Variants in WDFY3 observed in about 807,000 individuals in gnomAD.
WDFY3 encodes WD repeat and FYVE domain-containing protein 3.
WDFY3 carries 66 observed loss-of-function variants against 409.6 expected under a neutral mutation model. That is an observed-to-expected ratio of 0.16 (90% CI 0.13 to 0.20). The LOEUF is 0.20. Ranked by LOEUF, WDFY3 falls within the 10% of genes least tolerant of loss-of-function variation. The pLI is 1.00. For synonymous variants in WDFY3, 1,521 were observed against 1,537.1 expected (o/e 0.99, Z 0.25); for missense variants, 3,031 against 4,298.1 (o/e 0.71, Z 8.24).
At chr4:84,911,339 T>C (rs536936618) in intron 2 of WDFY3, among the ~76,000 whole-genome samples, 56 of 152,202 alleles carry the variant, frequency 3.7e-4, no homozygotes, top group African/African-American at 1.2e-3. Flanking sequence ...AATTAAAATA[T>C]TAGCTGAGCA....
chr4:84,794,773 T>C lies in WDFY3; in HGVS notation c.3269-36A>G. 2.6e-6 allele frequency: 4 copies of C among 1,546,798 alleles called. No homozygotes were observed. In the South Asian group the frequency reaches 4.9e-5, roughly 19 times the overall value. ...AATTAAAAAAAAAAGTCTGTGTTGA[T>C]TAATATTTATATTTTTTAAAAGATG... On this transcript the variant is annotated intron_variant, in intron 20 of 67. Transcript: ENST00000295888.
intron 67 of WDFY3, among the ~76,000 whole-genome samples, chr4:84,675,887 TG>T (rs1469712846): frequency 4.6e-5 from 7 of 152,152 alleles, no homozygotes; most frequent in South Asian, 2.1e-4. Context: ...ACCTTTCATA[TG>T]GGGGAAAAAT....
In WDFY3 at chr4:84,753,856, CTCT is replaced by C. The variant is rs1416355010; in HGVS notation, c.5577_5579del (p.Glu1860del). 6.9e-6 allele frequency: 11 copies of C among 1,596,288 alleles called. No individual in the cohort carries two copies. Among genetic ancestry groups the C allele is most frequent in the African/African-American group, 1.3e-5 (1 of 74,104 alleles). On this transcript the variant is annotated inframe_deletion, in exon 35 of 68. Coordinates refer to ENST00000295888, the MANE Select transcript of WDFY3 (RefSeq NM_014991.6). Reference sequence around the variant, plus strand: ...CAGGATATTCTCGGAGCCAAGATCCCTCTTCTTCTGATTGCCAAGGCTGTTATG... The same window carrying C: ...CAGGATATTCTCGGAGCCAAGATCCCTCTTCTGATTGCCAAGGCTGTTATG...
chr4:84,893,218 T>C (rs1378144525), intron 3 of WDFY3, among the ~76,000 whole-genome samples: 1 of 152,130 alleles, frequency 6.6e-6, no homozygotes, highest in Non-Finnish European at 1.5e-5. Context: ...TGCCACTCTT[T>C]TCTGCAAAAA....
intron 16 of WDFY3, among the ~76,000 whole-genome samples, chr4:84,802,634 A>G (rs190122049): frequency 2.6e-5 from 4 of 152,338 alleles, no homozygotes. Context: ...TAACTTGCTT[A>G]GAGCAATATA....
At chr4:84,803,490 T>C in intron 15 of WDFY3, 23 bp from the exon 16 acceptor site, 4 of 1,587,634 alleles carry the variant, frequency 2.5e-6, no homozygotes, top group Non-Finnish European at 3.4e-6. Flanking sequence ...AAAGAGTAAA[T>C]TTGGTATTGA....
chr4:84,767,457 C>T (rs1743862724), intron 30 of WDFY3, among the ~76,000 whole-genome samples: 1 of 152,056 alleles, frequency 6.6e-6, no homozygotes, highest in Non-Finnish European at 1.5e-5. Context: ...GTATCTCTCA[C>T]TTTAAATCAA....
intron 1 of WDFY3, among the ~76,000 whole-genome samples, chr4:84,962,887 T>C (rs1225467477): frequency 6.6e-6 from 1 of 151,848 alleles, no homozygotes; most frequent in Non-Finnish European, 1.5e-5. Flanking sequence ...TTGGCCAGGC[T>C]GGTCTTGAAC....
rs115615128 is a variant in WDFY3 at position 84,789,508 on chromosome 4, C to A, written c.3669+218G>T. 4.2e-3 allele frequency among the ~76,000 whole-genome samples: 643 copies of A among 152,204 alleles called. 2 individuals are homozygous for A. The highest frequency in any genetic ancestry group is 0.013 in the African/African-American group (559 of 41,524). Reference sequence around the variant, plus strand: ...CAGCAACTTCTTTAGTACCTATAAGCCCTCATTTCTATTCTTCTCTAATAA... The same window carrying A: ...CAGCAACTTCTTTAGTACCTATAAGACCTCATTTCTATTCTTCTCTAATAA... On this transcript the variant is annotated intron_variant, in intron 22 of 67. Transcript: ENST00000295888.
Position 84,765,925 on chromosome 4 carries a change from A to G in WDFY3, c.5073T>C (p.Leu1691=), listed in dbSNP as rs1743551511. The change falls in exon 32 of 68, where the codon CTT becomes CTC. Residue 1691 remains leucine (L), a synonymous_variant. Coordinates refer to ENST00000295888, the MANE Select transcript of WDFY3 (RefSeq NM_014991.6). ...TAGACTGATTACTTAGTAGGACAAC[A>G]AGAATCCTCATGGCTGCTGTAACTG... ...STTVTAAMRI[L]VVLLSNQSIL... is the part of the protein sequence containing the mutation. The G allele has an allele frequency of 6.2e-7, 1 of 1,614,010 alleles. No homozygotes were observed. The highest frequency in any genetic ancestry group is 1.1e-5 in the South Asian group (1 of 91,080).
rs758583052 is a variant in WDFY3, at chr4:84,766,235, A to T, written c.4970+17T>A. The T allele has an allele frequency of 6.4e-6, 10 of 1,566,720 alleles. No homozygotes were observed. The highest frequency in any genetic ancestry group is 5.9e-5 in the South Asian group (5 of 84,118). ...AGTAGCAACTGGTATAATCACTTTTAAAAAAGATTTACTTACTGCAAATTA... is the reference window on the plus strand; with the variant it reads ...AGTAGCAACTGGTATAATCACTTTTTAAAAAGATTTACTTACTGCAAATTA... On this transcript the variant is annotated intron_variant, in intron 31 of 67. Coordinates refer to ENST00000295888, the MANE Select transcript of WDFY3 (RefSeq NM_014991.6).
In WDFY3 at chr4:84,678,820, CAG is replaced by C. The variant is rs915552648; in HGVS notation, c.10147+97_10147+98del. 6.2e-5 allele frequency: 84 copies of C among 1,353,054 alleles called. No individual in the cohort carries two copies. In the African/African-American group the frequency reaches 1.2e-3, roughly 19 times the overall value. The allele number at this position is 1,353,054 out of a possible 1,614,324, so 83.8% of individuals were successfully genotyped here. On this transcript the variant is annotated intron_variant, in intron 65 of 67. Transcript: ENST00000295888. The stretch of plus-strand genomic sequence containing the variant: ...AGTGGCCCAGCTCACGGGGCACATC[CAG>C]GGTGGGGCCCAGGGAGAGCTAGACC...
chr4:84,846,064 T>A (rs983434796), intron 5 of WDFY3, among the ~76,000 whole-genome samples: 3 of 152,138 alleles, frequency 2.0e-5, no homozygotes, highest in African/African-American at 7.2e-5. Flanking sequence ...TGTGACTGAA[T>A]AGATACTAAA....
At position 84,789,756 on chromosome 4, in the gene WDFY3, A is replaced by G; in HGVS notation, c.3639T>C (p.Tyr1213=). ...CAGTGTTAACAAGCTGTCCATCAAT[A>G]TAAAGGGCTGCAGTACTGTTTTTCA... ...GMLKNSTAAL[Y]IDGQLVNTVK... The change falls in exon 22 of 68, where the codon TAT becomes TAC. Residue 1213 remains tyrosine, a synonymous_variant. Transcript: ENST00000295888. The G allele has an allele frequency of 6.2e-7, 1 of 1,614,070 alleles. No individual in the cohort carries two copies. Among genetic ancestry groups the G allele is most frequent in the Non-Finnish European group, 8.5e-7 (1 of 1,180,004 alleles).
intron 21 of WDFY3, among the ~76,000 whole-genome samples, chr4:84,790,361 T>C (rs1462043979): frequency 6.6e-6 from 1 of 151,718 alleles, no homozygotes; most frequent in Non-Finnish European, 1.5e-5. Context: ...AAAAAATAAG[T>C]AAATAAAAAT....
intron 60 of WDFY3, among the ~76,000 whole-genome samples, chr4:84,691,041 ACAT>A (rs1461320385): frequency 1.3e-5 from 2 of 152,232 alleles, no homozygotes; most frequent in Non-Finnish European, 2.9e-5. Flanking sequence ...GCTAAGGAGA[ACAT>A]CAACAAAATG....
At chr4:84,919,832 T>C (rs1429537942) in intron 2 of WDFY3, among the ~76,000 whole-genome samples, 2 of 152,126 alleles carry the variant, frequency 1.3e-5, no homozygotes, top group African/African-American at 2.4e-5. Flanking sequence ...TATTTCTTCA[T>C]TGCAGCGTGA....
chr4:84,677,422 C>G, intron 66 of WDFY3, 26 bp from the exon 67 acceptor site: 2 of 1,561,546 alleles, frequency 1.3e-6, no homozygotes, highest in Non-Finnish European at 1.7e-6. Context: ...CAGAGGAGGT[C>G]ACTGCACGGA....
chr4:84,816,752 T>A (rs150192319), intron 13 of WDFY3, among the ~76,000 whole-genome samples: 1 of 152,102 alleles, frequency 6.6e-6, no homozygotes, highest in Non-Finnish European at 1.5e-5. Context: ...TATGGGAGAA[T>A]GTGAGTGTAT....
Sources: allele counts gnomAD v4.1 joint callset (sites outside exome capture counted in the v4.1 genomes callset), GRCh38; gene constraint gnomAD v4.1.1; transcripts MANE v1.5; gene names NCBI Gene and HGNC (gene_info 2026-07-23, HGNC 2026-07-21).